Variants in MEIKIN observed in about 807,000 individuals in gnomAD.
MEIKIN encodes meiosis-specific kinetochore protein.
chr5:131,933,455 G>C (rs1245466882), intron 5 of MEIKIN, 58 bp downstream of exon 5: 12 of 393,430 alleles, frequency 3.1e-5, no homozygotes, highest in Non-Finnish European at 4.5e-5. Flanking sequence ...TGGAGGATTT[G>C]TGGACAAAAG....
intron 8 of MEIKIN, among the ~76,000 whole-genome samples, chr5:131,905,460 C>T (rs558267752): frequency 4.0e-5 from 6 of 151,534 alleles, no homozygotes; most frequent in African/African-American, 1.5e-4. Flanking sequence ...CTAAAGGAAA[C>T]TAAGATGAAA....
At chr5:131,812,823 T>G (rs745483459) in intron 12 of MEIKIN, among the ~76,000 whole-genome samples, 1 of 152,260 alleles carries the variant, frequency 6.6e-6, no homozygotes, top group Non-Finnish European at 1.5e-5. Flanking sequence ...TGCAGGTGAC[T>G]CCCAGGGTGA....
Position 131,923,546 on chromosome 5 carries a change from A to AT in MEIKIN, c.479-1606dup, listed in dbSNP as rs540981309. ...CTTTTTTCCTCCTTTTTTTCTTATGATTTTTTTTTCTGGTAAATCTCAACT... is the reference window on the plus strand; with the variant it reads ...CTTTTTTCCTCCTTTTTTTCTTATGATTTTTTTTTTCTGGTAAATCTCAACT... On this transcript the variant is annotated intron_variant, in intron 5 of 12. Coordinates refer to ENST00000442687, the MANE Select transcript of MEIKIN (RefSeq NM_001303622.2). Among the ~76,000 whole-genome samples the AT allele has an allele frequency of 1.7e-3, 177 of 102,106 alleles. 2 individuals are homozygous for AT. The South Asian group carries it at 0.042, about 24-fold the overall frequency. The allele number at this position is 102,106 out of a possible 152,430, so 67.0% of individuals were successfully genotyped here.
chr5:131,809,798 A>T lies in MEIKIN; in HGVS notation c.1100-2540T>A, dbSNP rs149213440. On this transcript the variant is annotated intron_variant, in intron 12 of 12. Coordinates refer to ENST00000442687, the MANE Select transcript of MEIKIN (RefSeq NM_001303622.2). ...GGCAACAGAGTGAGACTCTGTCTCA[A>T]AAAACAAGCAAACAAACGAACAAAA... Among the ~76,000 whole-genome samples, 74 of 148,682 alleles carry T rather than the reference A, an allele frequency of 5.0e-4. 3 individuals carry two copies. The highest frequency in any genetic ancestry group is 3.8e-3 in the Admixed American group (55 of 14,376).
intron 7 of MEIKIN, among the ~76,000 whole-genome samples, chr5:131,912,306 A>T (rs1006637167): frequency 1.0e-4 from 15 of 150,216 alleles, no homozygotes; most frequent in East Asian, 5.8e-4. Context: ...TATTATTATT[A>T]TATTATTATT....
At chr5:131,861,313 C>T (rs956688799) in intron 9 of MEIKIN, among the ~76,000 whole-genome samples, 7 of 151,888 alleles carry the variant, frequency 4.6e-5, no homozygotes, top group Admixed American at 2.0e-4. Context: ...TGCTTAAACC[C>T]GGGAGGTGGA....
At chr5:131,926,546 T>C (rs1448785731) in intron 5 of MEIKIN, among the ~76,000 whole-genome samples, 9 of 152,240 alleles carry the variant, frequency 5.9e-5, no homozygotes, top group Admixed American at 2.0e-4. Context: ...ATGCTGGCCT[T>C]AAAGAATTAG....
At chr5:131,830,237 A>C (rs1246084196) in intron 11 of MEIKIN, among the ~76,000 whole-genome samples, 1 of 152,170 alleles carries the variant, frequency 6.6e-6, no homozygotes, top group African/African-American at 2.4e-5. Flanking sequence ...AATAAAAAAA[A>C]AATACAAAAA....
At chr5:131,896,446 C>A (rs1030004070) in intron 8 of MEIKIN, among the ~76,000 whole-genome samples, 1 of 152,084 alleles carries the variant, frequency 6.6e-6, no homozygotes, top group African/African-American at 2.4e-5. Context: ...TCCTTGTTAA[C>A]CTTCTGTCTC....
At chr5:131,921,748 G>T (rs544119966) in intron 6 of MEIKIN, 74 bp downstream of exon 6, 1 of 397,740 alleles carries the variant, frequency 2.5e-6, no homozygotes, top group East Asian at 3.6e-5. Flanking sequence ...ACTTAGCTTA[G>T]AAATCATTCA....
At chr5:131,929,378 T>C (rs1751643625) in intron 5 of MEIKIN, among the ~76,000 whole-genome samples, 1 of 152,166 alleles carries the variant, frequency 6.6e-6, no homozygotes, top group South Asian at 2.1e-4. Flanking sequence ...TTTCTTCAAA[T>C]ACACTTTCTA....
chr5:131,919,650 G>A (rs759930015), intron 6 of MEIKIN, among the ~76,000 whole-genome samples: 33 of 152,030 alleles, frequency 2.2e-4, no homozygotes, highest in African/African-American at 7.5e-4. Context: ...TATATAGCAC[G>A]GTACCCTTCA....
intron 9 of MEIKIN, among the ~76,000 whole-genome samples, chr5:131,860,522 T>C (rs1750266015): frequency 6.6e-6 from 1 of 151,608 alleles, no homozygotes; most frequent in South Asian, 2.1e-4. Context: ...CTCGGCTGAC[T>C]GCAACCTCCG....
At chr5:131,837,712 C>A (rs1379432605) in intron 11 of MEIKIN, among the ~76,000 whole-genome samples, 6 of 152,156 alleles carry the variant, frequency 3.9e-5, no homozygotes, top group Non-Finnish European at 5.9e-5. Context: ...GATTTTGTAT[C>A]CTGAGAGTTT....
intron 11 of MEIKIN, among the ~76,000 whole-genome samples, chr5:131,841,540 T>C (rs897161323): frequency 1.3e-5 from 2 of 152,202 alleles, no homozygotes; most frequent in African/African-American, 4.8e-5. Context: ...TGCCTCCAGC[T>C]TTGTTGTTTC....
chr5:131,888,857 GT>G (rs1750853256), intron 8 of MEIKIN, among the ~76,000 whole-genome samples: 1 of 152,186 alleles, frequency 6.6e-6, no homozygotes, highest in Non-Finnish European at 1.5e-5. Context: ...TAACATGTAA[GT>G]CTTTAATCCA....
At chr5:131,811,136 G>A (rs888932637) in intron 12 of MEIKIN, among the ~76,000 whole-genome samples, 6 of 152,120 alleles carry the variant, frequency 3.9e-5, no homozygotes, top group African/African-American at 1.4e-4. Context: ...CATTAATGGG[G>A]AGGGGAATTA....
chr5:131,875,365 G>A (rs1027699584), intron 9 of MEIKIN, among the ~76,000 whole-genome samples: 2 of 152,124 alleles, frequency 1.3e-5, no homozygotes, highest in African/African-American at 4.8e-5. Context: ...GAAACAGAGA[G>A]CCAAATCATG....
At chr5:131,861,492 T>C (rs1381304403) in intron 9 of MEIKIN, among the ~76,000 whole-genome samples, 1 of 152,330 alleles carries the variant, frequency 6.6e-6, no homozygotes, top group Middle Eastern at 3.4e-3. Context: ...TTTGGTACTA[T>C]GTTTAATGGG....
Sources: gnomAD v4.1 joint callset for allele counts (sites outside exome capture counted in the v4.1 genomes callset) on GRCh38, gnomAD v4.1.1 for gene constraint, MANE v1.5 for transcripts, NCBI Gene and HGNC (gene_info 2026-07-23, HGNC 2026-07-21) for gene names.